MGAT4C: variants seen among roughly 807,000 people sequenced by gnomAD.
The protein encoded by MGAT4C is alpha-1,3-mannosyl-glycoprotein 4-beta-N-acetylglucosaminyltransferase C.
MGAT4C carries 19 observed loss-of-function variants against 40.1 expected under a neutral mutation model. The ratio of observed to expected loss-of-function variants is 0.47; its 90% CI spans 0.33 to 0.70. The LOEUF (loss-of-function observed/expected upper bound fraction) is 0.70. Ranked by LOEUF, MGAT4C falls within the 30% of genes least tolerant of loss-of-function variation. The pLI, the probability that MGAT4C is intolerant of heterozygous loss-of-function variation, is 0.02. For synonymous variants in MGAT4C, 181 were observed against 187.1 expected, an observed-to-expected ratio of 0.97 and a Z score of 0.27; for missense variants, 491 against 563.2, an observed-to-expected ratio of 0.87 and a Z score of 1.30.
intron 1 of MGAT4C, among the ~76,000 whole-genome samples, chr12:86,825,931 C>A (rs1019824127): frequency 6.6e-6 from 1 of 151,250 alleles, no homozygotes; most frequent in Admixed American, 6.6e-5. Flanking sequence ...TAATTTTCTC[C>A]AAAAGAGACT....
intron 3 of MGAT4C, among the ~76,000 whole-genome samples, chr12:86,386,901 G>T (rs1956062857): frequency 6.6e-6 from 1 of 152,066 alleles, no homozygotes; most frequent in South Asian, 2.1e-4. Flanking sequence ...TTTAGCTATT[G>T]TGTTTGCATA....
intron 1 of MGAT4C, among the ~76,000 whole-genome samples, chr12:86,745,331 T>C (rs1017071665): frequency 6.6e-6 from 1 of 151,640 alleles, no homozygotes; most frequent in Non-Finnish European, 1.5e-5. Flanking sequence ...ATCTGGAGAA[T>C]GAACAAATTT....
intron 2 of MGAT4C, among the ~76,000 whole-genome samples, chr12:86,027,831 A>C (rs542605867): frequency 6.6e-6 from 1 of 152,058 alleles, no homozygotes; most frequent in South Asian, 2.1e-4. Context: ...AGTTCACTTC[A>C]CTTTGCTAAA....
At chr12:86,576,121 A>G (rs1960548705) in intron 2 of MGAT4C, among the ~76,000 whole-genome samples, 1 of 151,706 alleles carries the variant, frequency 6.6e-6, no homozygotes. Flanking sequence ...TGCCACTTTT[A>G]TGTTTCCTTT....
intron 1 of MGAT4C, among the ~76,000 whole-genome samples, chr12:86,185,188 TTG>T (rs1407279554): frequency 6.6e-6 from 1 of 152,198 alleles, no homozygotes. Context: ...TTTCCTCCTT[TTG>T]TGTGACTATA....
chr12:86,581,964 A>T (rs1276701733), intron 2 of MGAT4C, among the ~76,000 whole-genome samples: 3 of 151,602 alleles, frequency 2.0e-5, no homozygotes, highest in Non-Finnish European at 4.4e-5. Context: ...GCAAAGATAC[A>T]GTCCGTGTCT....
intron 2 of MGAT4C, among the ~76,000 whole-genome samples, chr12:86,683,178 G>A (rs1334162698): frequency 6.6e-6 from 1 of 151,960 alleles, no homozygotes; most frequent in African/African-American, 2.4e-5. Flanking sequence ...ATAGGGTGGG[G>A]TTAAAAGTAT....
At chr12:86,396,701 C>T (rs1053725581) in intron 3 of MGAT4C, among the ~76,000 whole-genome samples, 1 of 151,902 alleles carries the variant, frequency 6.6e-6, no homozygotes, top group Non-Finnish European at 1.5e-5. Flanking sequence ...AGATACAATG[C>T]CATTATGTAT....
At chr12:86,305,443 G>GA (rs5799778) in intron 4 of MGAT4C, among the ~76,000 whole-genome samples, 26 of 133,350 alleles carry the variant, frequency 1.9e-4, no homozygotes, top group East Asian at 4.4e-4. Context: ...CCGTCTCAAA[G>GA]AAAAAAAAAA....
At chr12:86,482,103 A>ACAC (rs1565791751) in intron 2 of MGAT4C, among the ~76,000 whole-genome samples, 1 of 71,352 alleles carries the variant, frequency 1.4e-5, no homozygotes, top group African/African-American at 5.0e-5. Context: ...CACACACACA[A>ACAC]GCAAGTCTTC....
At chr12:86,215,435 T>C (rs951410190) in intron 1 of MGAT4C, among the ~76,000 whole-genome samples, 5 of 152,144 alleles carry the variant, frequency 3.3e-5, no homozygotes, top group African/African-American at 1.2e-4. Context: ...CTTAATTTAG[T>C]ATGTAAAGGA....
Position 86,243,408 on chromosome 12 carries a change from T to C in MGAT4C, c.-57+12831A>G, listed in dbSNP as rs185274052. Among the ~76,000 whole-genome samples the C allele has an allele frequency of 7.2e-5, 11 of 152,346 alleles. No individual in the cohort carries two copies. The East Asian group carries it at 2.1e-3, about 29-fold the overall frequency. ...TGAGGTGACCCTCAATGATTCACAT[T>C]CTTGTCTTATTCCCTCCCCTTGAGT... On this transcript the variant is annotated intron_variant, in intron 1 of 4. Coordinates refer to ENST00000611864, the MANE Select transcript of MGAT4C (RefSeq NM_001351288.2).
intron 4 of MGAT4C, among the ~76,000 whole-genome samples, chr12:86,324,625 C>A (rs893276652): frequency 1.3e-5 from 2 of 151,388 alleles, no homozygotes; most frequent in African/African-American, 4.8e-5. Context: ...TTAGAATATT[C>A]TAATTTTGTA....
intron 2 of MGAT4C, among the ~76,000 whole-genome samples, chr12:86,561,872 A>T (rs1373763807): frequency 6.6e-6 from 1 of 152,128 alleles, no homozygotes; most frequent in Non-Finnish European, 1.5e-5. Flanking sequence ...GCATTTCTGG[A>T]GTTGGCTGCT....
chr12:86,327,640 T>C (rs1258400270), intron 4 of MGAT4C, among the ~76,000 whole-genome samples: 55 of 152,218 alleles, frequency 3.6e-4, no homozygotes, highest in Non-Finnish European at 1.3e-4. Flanking sequence ...AATTTCAAAA[T>C]TGATGAAAAC....
chr12:86,476,904 C>A (rs1592894460), intron 2 of MGAT4C, among the ~76,000 whole-genome samples: 1 of 151,802 alleles, frequency 6.6e-6, no homozygotes, highest in African/African-American at 2.4e-5. Flanking sequence ...AAGATGTTAG[C>A]AGTATAGACT....
chr12:86,006,429 C>A (rs548538041), intron 2 of MGAT4C, among the ~76,000 whole-genome samples: 2 of 152,278 alleles, frequency 1.3e-5, no homozygotes, highest in East Asian at 3.9e-4. Context: ...CATATCCCAA[C>A]AGATGTTTCA....
At chr12:86,661,784 CA>C (rs1187958512) in intron 2 of MGAT4C, among the ~76,000 whole-genome samples, 2 of 151,892 alleles carry the variant, frequency 1.3e-5, no homozygotes, top group African/African-American at 2.4e-5. Flanking sequence ...ACTAAAAATG[CA>C]AAAATTAGCC....
chr12:86,050,689 G>A (rs903823544), intron 1 of MGAT4C, among the ~76,000 whole-genome samples: 12 of 151,942 alleles, frequency 7.9e-5, no homozygotes, highest in Admixed American at 3.3e-4. Context: ...TAAATGTGCC[G>A]TGGTCAGCTT....
Sources: allele counts gnomAD v4.1 joint callset (sites outside exome capture counted in the v4.1 genomes callset), GRCh38; gene constraint gnomAD v4.1.1; transcripts MANE v1.5; gene names NCBI Gene and HGNC (gene_info 2026-07-23, HGNC 2026-07-21).